Variants in AKAP13 observed in about 807,000 individuals in gnomAD.
The protein encoded by AKAP13 is A-kinase anchoring protein 13.
AKAP13 carries 80 observed loss-of-function variants against 264.5 expected under a neutral mutation model. That is an observed-to-expected ratio of 0.30 (90% CI 0.25 to 0.36). AKAP13 has a LOEUF of 0.36. Among genes scored for constraint, AKAP13 ranks in the 10% least tolerant of loss-of-function variants. The pLI, the probability that AKAP13 is intolerant of heterozygous loss-of-function variation, is 1.00. For synonymous variants in AKAP13, 1,380 were observed against 1,250.2 expected (o/e 1.10, Z -2.19); for missense variants, 3,712 against 3,435.2 (o/e 1.08, Z -2.01).
intron 18 of AKAP13, among the ~76,000 whole-genome samples, chr15:85,709,713 A>C (rs1338615606): frequency 8.2e-6 from 1 of 121,342 alleles, no homozygotes; most frequent in African/African-American, 2.9e-5. Context: ...TTAGAGACAG[A>C]GTCTCACTGT....
At chr15:85,643,664 G>T (rs1368975724) in intron 9 of AKAP13, among the ~76,000 whole-genome samples, 2 of 152,148 alleles carry the variant, frequency 1.3e-5, no homozygotes, top group Admixed American at 6.5e-5. Context: ...TAAAGTGATA[G>T]TCATTACTTT....
rs781128906 is a variant in AKAP13, at chr15:85,580,182, A to C, written c.2114A>C (p.Asp705Ala). ...ARQPSSQDPP[D>A]ASHCEDPQAH... is the part of the protein sequence containing the mutation. The stretch of plus-strand genomic sequence containing the variant: ...CAACCCAGCTCACAAGATCCACCCG[A>C]TGCCTCCCACTGTGAAGACCCACAG... Residue 705 changes from aspartate to alanine, a missense_variant, in exon 7 of 37, where the codon GAT becomes GCT. Coordinates refer to ENST00000394518, the MANE Select transcript of AKAP13 (RefSeq NM_007200.5). 1.9e-6 allele frequency: 3 copies of C among 1,614,204 alleles called. No homozygotes were observed. The highest frequency in any genetic ancestry group is 2.5e-6 in the Non-Finnish European group (3 of 1,180,018).
chr15:85,640,885 A>G (rs906544002), intron 9 of AKAP13, among the ~76,000 whole-genome samples: 2 of 152,192 alleles, frequency 1.3e-5, no homozygotes, highest in East Asian at 1.9e-4. Flanking sequence ...GAACCCCTGG[A>G]TGTTTTCCCC....
intron 8 of AKAP13, among the ~76,000 whole-genome samples, chr15:85,591,319 C>G (rs1348451031): frequency 6.6e-6 from 1 of 152,166 alleles, no homozygotes; most frequent in African/African-American, 2.4e-5. Context: ...GCGTTTTAAA[C>G]AAGCATCCCT....
chr15:85,450,073 T>C (rs1287120164), intron 1 of AKAP13, among the ~76,000 whole-genome samples: 1 of 152,128 alleles, frequency 6.6e-6, no homozygotes, highest in Non-Finnish European at 1.5e-5. Context: ...GGTATGCTTT[T>C]ATTACTGATT....
At chr15:85,615,380 A>G (rs1177408787) in intron 8 of AKAP13, among the ~76,000 whole-genome samples, 1 of 152,210 alleles carries the variant, frequency 6.6e-6, no homozygotes, top group Non-Finnish European at 1.5e-5. Context: ...AGGAGGGAAC[A>G]GTAGACCTGC....
At chr15:85,720,918 A>G (rs189155584) in intron 23 of AKAP13, among the ~76,000 whole-genome samples, 1 of 152,360 alleles carries the variant, frequency 6.6e-6, no homozygotes, top group Admixed American at 6.5e-5. Flanking sequence ...TATGAAATAA[A>G]TGCAAATGCA....
rs538058345 is a variant in AKAP13 at position 85,549,556 on chromosome 15, G to C, written c.662+5601G>C. On this transcript the variant is annotated intron_variant, in intron 5 of 36. Coordinates refer to ENST00000394518, the MANE Select transcript of AKAP13 (RefSeq NM_007200.5). ...ACCTTATATCAACCTCGTGAAATAG[G>C]CATTATCTGTGTTTTGCGGGAGAAA... 2.6e-5 allele frequency among the ~76,000 whole-genome samples: 4 copies of C among 152,242 alleles called. No homozygotes were observed. In the East Asian group the frequency reaches 7.7e-4, roughly 29 times the overall value.
rs1403662415 is a variant in AKAP13 at position 85,727,441 on chromosome 15, C to T, written c.7065C>T (p.Asp2355=). ...SENEEEKKML[D]TRARELKEQL... ...ATGAGGAAGAAAAGAAAATGTTGGA[C>T]ACCAGAGCCCGAGAATTAAAAGGTG... Residue 2355 remains aspartate, a synonymous_variant, in exon 29 of 37, where the codon GAC becomes GAT. Coordinates refer to ENST00000394518, the MANE Select transcript of AKAP13 (RefSeq NM_007200.5). The surrounding 1 kb of genome is among the most constrained non-coding windows in gnomAD (Gnocchi z 5.3). 1.2e-6 allele frequency: 2 copies of T among 1,614,188 alleles called. No homozygotes were observed. Among genetic ancestry groups the T allele is most frequent in the Non-Finnish European group, 1.7e-6 (2 of 1,180,018 alleles).
At chr15:85,400,241 C>T (rs2071357453) in intron 1 of AKAP13, among the ~76,000 whole-genome samples, 3 of 152,086 alleles carry the variant, frequency 2.0e-5, no homozygotes, top group Non-Finnish European at 4.4e-5. Flanking sequence ...GAGCCTGTCT[C>T]TACAAAATAA....
rs909509784 is a variant in AKAP13 at position 85,439,972 on chromosome 15, AAAAAT to A, written c.-11-45735_-11-45731del. The stretch of plus-strand genomic sequence containing the variant: ...GTACCCTAAAACTTAAAGTATAATA[AAAAAT>A]AATAATAATAATAATAATAAATAAA... On this transcript the variant is annotated intron_variant, in intron 1 of 36. Transcript: ENST00000394518. Among the ~76,000 whole-genome samples the A allele has an allele frequency of 3.5e-4, 45 of 130,130 alleles. 1 individual carries two copies. Among genetic ancestry groups the A allele is most frequent in the Admixed American group, 6.4e-4 (9 of 13,962 alleles). The allele number at this position is 130,130 out of a possible 152,430, so 85.4% of individuals were successfully genotyped here. A position where few individuals can be genotyped will look rare whatever the true frequency, so the allele number is the denominator to read the frequency against.
chr15:85,735,647 T>C lies in AKAP13; in HGVS notation c.7512+17T>C, dbSNP rs1244787509. 1.2e-6 allele frequency: 2 copies of C among 1,607,180 alleles called. No homozygotes were observed. The highest frequency in any genetic ancestry group is 1.7e-6 in the Non-Finnish European group (2 of 1,177,038). Reference sequence around the variant, plus strand: ...CTAAAAAAGGTATTTCTCTTTAAAATACACCATGAACCTCCTTGGCACTTT... The same window carrying C: ...CTAAAAAAGGTATTTCTCTTTAAAACACACCATGAACCTCCTTGGCACTTT... On this transcript the variant is annotated intron_variant, in intron 32 of 36. Transcript: ENST00000394518.
chr15:85,667,524 A>G (rs1430134675), intron 13 of AKAP13, among the ~76,000 whole-genome samples: 1 of 152,202 alleles, frequency 6.6e-6, no homozygotes, highest in Non-Finnish European at 1.5e-5. Flanking sequence ...AACAGTGAAA[A>G]AATCTTTAAA....
chr15:85,562,686 CTTTTCTTTT>C (rs1411240718), intron 5 of AKAP13, among the ~76,000 whole-genome samples: 9 of 61,114 alleles, frequency 1.5e-4, no homozygotes, highest in Non-Finnish European at 2.2e-4. Flanking sequence ...CTTTTCTTTT[CTTTTCTTTT>C]TTTTTTTTTT....
chr15:85,693,258 ATTTTC>A lies in AKAP13; in HGVS notation c.5290-11_5290-7del, dbSNP rs747212583. ...TCCAGTGTTCAATTAACTGTGGATT[ATTTTC>A]TTTTCTTCGGCAGGAAAAGGAAAAA... On this transcript the variant is annotated splice_polypyrimidine_tract_variant and intron_variant, in intron 16 of 36. Transcript: ENST00000394518. 4.5e-5 allele frequency: 72 copies of A among 1,586,652 alleles called. No homozygotes were observed. The highest frequency in any genetic ancestry group is 5.5e-5 in the Non-Finnish European group (64 of 1,171,418).
chr15:85,418,092 C>G (rs1005117863), intron 1 of AKAP13, among the ~76,000 whole-genome samples: 6 of 124,228 alleles, frequency 4.8e-5, no homozygotes, highest in Non-Finnish European at 9.5e-5. Flanking sequence ...TATTATTATT[C>G]TGAGATAGGG....
intron 1 of AKAP13, among the ~76,000 whole-genome samples, chr15:85,419,845 G>T (rs569665030): frequency 3.3e-4 from 50 of 151,310 alleles, no homozygotes; most frequent in Non-Finnish European, 5.8e-4. Flanking sequence ...CTGTAAGGCT[G>T]TAAAGAGTGA....
chr15:85,460,271 T>C (rs773775078), intron 1 of AKAP13, among the ~76,000 whole-genome samples: 47 of 152,220 alleles, frequency 3.1e-4, no homozygotes, highest in Non-Finnish European at 5.9e-4. Context: ...TTTCTGACTA[T>C]TGTGTGCAAT....
intron 8 of AKAP13, among the ~76,000 whole-genome samples, chr15:85,631,917 A>T (rs2081849229): frequency 6.6e-6 from 1 of 152,222 alleles, no homozygotes; most frequent in African/African-American, 2.4e-5. Flanking sequence ...AACTACAGGA[A>T]AGTTAAAAGG....
Sources: gnomAD v4.1 joint callset for allele counts (sites outside exome capture counted in the v4.1 genomes callset) on GRCh38, gnomAD v4.1.1 for gene constraint, Gnocchi (gnomAD v3.1) non-coding constraint, MANE v1.5 for transcripts, NCBI Gene and HGNC (gene_info 2026-07-23, HGNC 2026-07-21) for gene names.